The following RERE variants were observed in gnomAD, a reference collection of about 807,000 sequenced individuals.
RERE encodes the protein arginine-glutamic acid dipeptide repeats protein.
Under a neutral mutation model 146.1 loss-of-function variants are expected in RERE, and 40 were observed. The ratio of observed to expected loss-of-function variants is 0.27; its 90% CI spans 0.21 to 0.36. RERE has a LOEUF of 0.36. Among genes scored for constraint, RERE ranks in the 10% least tolerant of loss-of-function variants. The pLI is 1.00. For missense variants in RERE, 1,933 were observed against 2,138.7 expected (o/e 0.90, Z 1.90); for synonymous variants, 1,003 against 866.0 (o/e 1.16, Z -2.78).
chr1:8,382,665 T>G (rs1200532128), intron 12 of RERE, among the ~76,000 whole-genome samples: 1 of 151,782 alleles, frequency 6.6e-6, no homozygotes, highest in East Asian at 1.9e-4. Flanking sequence ...TTCTGAGGCT[T>G]ACCTCTCTCA....
At chr1:8,635,833 G>A (rs1473062078) in intron 2 of RERE, among the ~76,000 whole-genome samples, 2 of 144,584 alleles carry the variant, frequency 1.4e-5, no homozygotes, top group African/African-American at 2.9e-5. Context: ...AATGTGCCAC[G>A]TAAGTGCTGG....
At chr1:8,762,488 T>C (rs936276415) in intron 1 of RERE, among the ~76,000 whole-genome samples, 1 of 152,194 alleles carries the variant, frequency 6.6e-6, no homozygotes, top group Non-Finnish European at 1.5e-5. Flanking sequence ...TGAAGACTAA[T>C]CATAATTTCC....
chr1:8,579,657 T>C (rs554066854), intron 4 of RERE, among the ~76,000 whole-genome samples: 1 of 152,338 alleles, frequency 6.6e-6, no homozygotes, highest in East Asian at 1.9e-4. Context: ...TCTAGAACAA[T>C]GGTTCTTAAC....
chr1:8,731,247 G>A (rs1640073072), intron 1 of RERE, among the ~76,000 whole-genome samples: 1 of 152,168 alleles, frequency 6.6e-6, no homozygotes, highest in South Asian at 2.1e-4. Flanking sequence ...ACCTCCAGGA[G>A]CCTGAACAGG....
intron 4 of RERE, among the ~76,000 whole-genome samples, chr1:8,570,328 C>T (rs1348920899): frequency 4.0e-5 from 6 of 151,708 alleles, no homozygotes; most frequent in African/African-American, 9.7e-5. Context: ...GAGACTCCAT[C>T]TCAAAAAATA....
chr1:8,460,635 T>C (rs1374132835), intron 11 of RERE, among the ~76,000 whole-genome samples: 1 of 152,210 alleles, frequency 6.6e-6, no homozygotes, highest in Admixed American at 6.5e-5. Flanking sequence ...TCAAAATTGA[T>C]ATAAAATATT....
At chr1:8,554,221 T>C (rs937338041) in intron 6 of RERE, among the ~76,000 whole-genome samples, 8 of 152,118 alleles carry the variant, frequency 5.3e-5, no homozygotes, top group Non-Finnish European at 1.2e-4. Flanking sequence ...ATACCAATGA[T>C]AAGTACTCAA....
chr1:8,630,636 C>T (rs1216613582), intron 2 of RERE, among the ~76,000 whole-genome samples: 1 of 152,212 alleles, frequency 6.6e-6, no homozygotes. Context: ...GACAGCATCA[C>T]TGGAGCCCTG....
At chr1:8,800,459 C>A (rs1641566697) in intron 1 of RERE, among the ~76,000 whole-genome samples, 1 of 152,120 alleles carries the variant, frequency 6.6e-6, no homozygotes, top group East Asian at 1.9e-4. Context: ...GAAAGTATAT[C>A]TTAAAATTCT....
intron 11 of RERE, 179 bp downstream of exon 11, chr1:8,465,746 T>A (rs1170703682): frequency 1.5e-6 from 1 of 685,254 alleles, no homozygotes; most frequent in Admixed American, 2.0e-5. Context: ...CTTAATAAAA[T>A]CAAGTCTTTC....
chr1:8,516,867 C>G (rs566597079), intron 7 of RERE, among the ~76,000 whole-genome samples: 1 of 152,144 alleles, frequency 6.6e-6, no homozygotes, highest in South Asian at 2.1e-4. Context: ...AGTTAGAGGC[C>G]AATGTATATA....
At chr1:8,398,495 A>G (rs893714660) in intron 12 of RERE, among the ~76,000 whole-genome samples, 1 of 152,226 alleles carries the variant, frequency 6.6e-6, no homozygotes, top group South Asian at 2.1e-4. Context: ...ATCCTCTTCT[A>G]TTAACAACGA....
At chr1:8,504,667 C>A (rs774530045) in intron 8 of RERE, among the ~76,000 whole-genome samples, 49 of 152,128 alleles carry the variant, frequency 3.2e-4, no homozygotes, top group Non-Finnish European at 4.1e-4. Context: ...GCCTGGCCAA[C>A]ATAGTGAAAC....
chr1:8,656,218 T>C lies in RERE; in HGVS notation c.80A>G (p.Asp27Gly). The change falls in exon 2 of 23, where the codon GAC becomes GGC. Residue 27 changes from aspartate to glycine, a missense_variant. Physicochemically the swap from Asp to Gly is moderately conservative, Grantham distance 94 (BLOSUM62 -1). Around this residue, in one of 11 missense-constraint regions of RERE, gnomAD observed 107 missense variants for 119.7 expected, o/e 0.89. Coordinates refer to ENST00000400908, the MANE Select transcript of RERE (RefSeq NM_001042681.2). Reference sequence around the variant, plus strand: ...TGAATTCTCACTCTCTCTTGCTTTGTCTCTTTTCTCTCTCTCTCGGTCCCG... The same window carrying C: ...TGAATTCTCACTCTCTCTTGCTTTGCCTCTTTTCTCTCTCTCTCGGTCCCG... Reference protein sequence around the residue: ...RDRDREREKRDKARESENSRP... With the variant: ...RDRDREREKRGKARESENSRP... 6.2e-7 allele frequency: 1 copy of C among 1,613,708 alleles called. No homozygotes were observed. Among genetic ancestry groups the C allele is most frequent in the Non-Finnish European group, 8.5e-7 (1 of 1,179,600 alleles).
intron 10 of RERE, among the ~76,000 whole-genome samples, chr1:8,471,160 G>T (rs1644679123): frequency 6.6e-6 from 1 of 152,010 alleles, no homozygotes; most frequent in South Asian, 2.1e-4. Context: ...AGTTGTTATG[G>T]ACTACAACAG....
At chr1:8,670,218 A>G (rs1056702495) in intron 1 of RERE, among the ~76,000 whole-genome samples, 1 of 152,232 alleles carries the variant, frequency 6.6e-6, no homozygotes, top group Admixed American at 6.5e-5. Context: ...GAACAACTCA[A>G]TTAAGATGCC....
intron 1 of RERE, among the ~76,000 whole-genome samples, chr1:8,726,147 C>CTTTTTTTTTTT (rs70985511): frequency 9.4e-3 from 647 of 69,164 alleles, no homozygotes; most frequent in Non-Finnish European, 0.011. Context: ...TTTTTCTTTT[C>CTTTTTTTTTTT]TTTTTTTTTT....
intron 1 of RERE, among the ~76,000 whole-genome samples, chr1:8,669,597 A>C (rs1638667543): frequency 6.6e-6 from 1 of 152,206 alleles, no homozygotes; most frequent in African/African-American, 2.4e-5. Flanking sequence ...AACTGAGAAA[A>C]ACCACCTTTT....
intron 1 of RERE, among the ~76,000 whole-genome samples, chr1:8,704,942 T>C (rs1193033227): frequency 6.6e-6 from 1 of 152,206 alleles, no homozygotes; most frequent in African/African-American, 2.4e-5. Context: ...GAGGGGGACC[T>C]GTGACTTGAA....
Sources: allele counts gnomAD v4.1 joint callset (sites outside exome capture counted in the v4.1 genomes callset), GRCh38; gene constraint gnomAD v4.1.1; regional missense constraint gnomAD v4.1.1; transcripts MANE v1.5; gene names NCBI Gene and HGNC (gene_info 2026-07-23, HGNC 2026-07-21).